Variants in PFKFB2 observed in about 807,000 individuals in gnomAD.
The protein encoded by PFKFB2 is 6-phosphofructo-2-kinase/fructose-2,6-biphosphatase 2.
Under a neutral mutation model 68.0 loss-of-function variants are expected in PFKFB2, and 53 were observed. The observed-to-expected ratio is 0.78, with a 90% confidence interval of 0.63 to 0.98. The LOEUF (loss-of-function observed/expected upper bound fraction) is 0.98, where lower values mean the gene tolerates loss of function less well. PFKFB2 is among the 50% of genes least tolerant of loss of function. PFKFB2 has a pLI of 0.00. For missense variants in PFKFB2, 451 were observed against 642.0 expected (o/e 0.70, Z 3.22); for synonymous variants, 222 against 227.6 (o/e 0.98, Z 0.22).
rs1043243710 is a variant in PFKFB2, at chr1:207,074,135, C to T, written c.*1764C>T. Reference sequence around the variant, plus strand: ...ACATGCATGTATTTAAGTAGCTTCCCGGATGATTCTGATTCATAGCTCGGG... The same window carrying T: ...ACATGCATGTATTTAAGTAGCTTCCTGGATGATTCTGATTCATAGCTCGGG... On this transcript the variant is annotated 3_prime_UTR_variant, in exon 15 of 15. Transcript: ENST00000367080. The T allele has an allele frequency of 5.0e-5, 47 of 936,198 alleles. No homozygotes were observed. Among genetic ancestry groups the T allele is most frequent in the Admixed American group, 3.7e-4 (6 of 16,048 alleles). The allele number at this position is 936,198 out of a possible 1,614,324, so 58.0% of individuals were successfully genotyped here.
intron 1 of PFKFB2, among the ~76,000 whole-genome samples, chr1:207,040,933 T>TTC: frequency 6.7e-6 from 1 of 149,418 alleles, no homozygotes; most frequent in African/African-American, 2.5e-5. Flanking sequence ...ATTTTTTTTT[T>TTC]TTTTTTTTTT....
chr1:207,058,288 G>A (rs1162766384), intron 2 of PFKFB2, among the ~76,000 whole-genome samples: 1 of 152,200 alleles, frequency 6.6e-6, no homozygotes, highest in Non-Finnish European at 1.5e-5. Context: ...CTAAATATTA[G>A]GCCTCTTTAG....
At chr1:207,062,590 G>A in intron 3 of PFKFB2, 30 bp from the exon 4 acceptor site, 1 of 1,604,918 alleles carries the variant, frequency 6.2e-7, no homozygotes, top group East Asian at 2.2e-5. Flanking sequence ...ATATTATTTT[G>A]CTGCTGAAGG....
In PFKFB2 at chr1:207,072,980, T is replaced by G. The variant is rs896443930; in HGVS notation, c.*609T>G. Reference sequence around the variant, plus strand: ...CCCAGTTAATGCTTTCTGCAGTGGGTCTAAATGGATCTGGACTGGAGGAGT... The same window carrying G: ...CCCAGTTAATGCTTTCTGCAGTGGGGCTAAATGGATCTGGACTGGAGGAGT... On this transcript the variant is annotated 3_prime_UTR_variant, in exon 15 of 15. Coordinates refer to ENST00000367080, the MANE Select transcript of PFKFB2 (RefSeq NM_006212.2). 2.0e-6 allele frequency: 2 copies of G among 985,584 alleles called. No individual in the cohort carries two copies. The highest frequency in any genetic ancestry group is 2.3e-4 in the East Asian group (2 of 8,806). 61.1% of individuals were successfully genotyped at this position (985,584 alleles called of 1,614,324 possible).
intron 1 of PFKFB2, chr1:207,035,123 G>A: frequency 1.0e-6 from 1 of 982,096 alleles, no homozygotes; most frequent in African/African-American, 1.7e-5. Flanking sequence ...CCTGTTTGAT[G>A]ACCAGACTCT....
chr1:207,073,849 A>G lies in PFKFB2; in HGVS notation c.*1478A>G. ...ATATATGTATGTTTTTCTGAGAGGC[A>G]AGTTTAGGGTTCTCATGGGATTTTA... On this transcript the variant is annotated 3_prime_UTR_variant, in exon 15 of 15. Coordinates refer to ENST00000367080, the MANE Select transcript of PFKFB2 (RefSeq NM_006212.2). The G allele has an allele frequency of 1.0e-6, 1 of 985,340 alleles. No individual in the cohort carries two copies. The highest frequency in any genetic ancestry group is 1.2e-6 in the Non-Finnish European group (1 of 829,868). 61.0% of individuals were successfully genotyped at this position (985,340 alleles called of 1,614,324 possible). A position where few individuals can be genotyped will look rare whatever the true frequency, so the allele number is the denominator to read the frequency against.
intron 1 of PFKFB2, among the ~76,000 whole-genome samples, chr1:207,039,964 G>A (rs1254841994): frequency 6.6e-6 from 1 of 152,144 alleles, no homozygotes; most frequent in East Asian, 1.9e-4. Context: ...AAGAGAACAA[G>A]GAGAACAGGC....
chr1:207,078,114 G>C (rs1173917337), downstream of PFKFB2, among the ~76,000 whole-genome samples: 1 of 152,230 alleles, frequency 6.6e-6, no homozygotes, highest in East Asian at 1.9e-4. Flanking sequence ...ATTCCCATTA[G>C]CAACATGTAA....
Position 207,074,146 on chromosome 1 carries a change from G to A in PFKFB2, c.*1775G>A. On this transcript the variant is annotated 3_prime_UTR_variant, in exon 15 of 15. Coordinates refer to ENST00000367080, the MANE Select transcript of PFKFB2 (RefSeq NM_006212.2). ...TTTAAGTAGCTTCCCGGATGATTCT[G>A]ATTCATAGCTCGGGTTAAGAACTCC... 1.0e-6 allele frequency: 1 copy of A among 977,418 alleles called. No homozygotes were observed. Among genetic ancestry groups the A allele is most frequent in the South Asian group, 4.7e-5 (1 of 21,132 alleles). The allele number at this position is 977,418 out of a possible 1,614,324, so 60.5% of individuals were successfully genotyped here. A position where few individuals can be genotyped will look rare whatever the true frequency, so the allele number is the denominator to read the frequency against.
chr1:207,059,232 G>T (rs1037575505), intron 2 of PFKFB2, among the ~76,000 whole-genome samples: 10 of 152,140 alleles, frequency 6.6e-5, no homozygotes, highest in Admixed American at 6.5e-4. Context: ...TGGTTCCCTG[G>T]TTGCCTTCAG....
chr1:207,065,976 A>G (rs796077327), intron 8 of PFKFB2, among the ~76,000 whole-genome samples: 4 of 152,298 alleles, frequency 2.6e-5, no homozygotes, highest in South Asian at 2.1e-4. Flanking sequence ...AAGTTTATAT[A>G]TATTATATGA....
chr1:207,045,209 GA>G (rs1682569943), intron 2 of PFKFB2: 1 of 152,354 alleles, frequency 6.6e-6, no homozygotes, highest in Non-Finnish European at 1.5e-5. Flanking sequence ...GAATCTTTTA[GA>G]AATTATCAGT....
chr1:207,071,142 T>C (rs952487206), intron 12 of PFKFB2, 46 bp from the exon 13 acceptor site: 6 of 1,476,360 alleles, frequency 4.1e-6, no homozygotes, highest in Admixed American at 1.7e-5. Context: ...TTGACCTTAC[T>C]CCATAATACT....
upstream of PFKFB2, chr1:207,051,088 A>T (rs1249459149): frequency 2.1e-6 from 3 of 1,444,778 alleles, no homozygotes; most frequent in Admixed American, 2.8e-5. Context: ...CTTCTGCCTT[A>T]GTACCTTAGC....
Position 207,061,854 on chromosome 1 carries a change from C to A in PFKFB2, c.86-99C>A. ...CTGAGATCACGCCACTGTACTCCAGCCTGGTGACAGAGTGAGACTCCGTCT... is the reference window on the plus strand; with the variant it reads ...CTGAGATCACGCCACTGTACTCCAGACTGGTGACAGAGTGAGACTCCGTCT... On this transcript the variant is annotated intron_variant, in intron 2 of 14. Coordinates refer to ENST00000367080, the MANE Select transcript of PFKFB2 (RefSeq NM_006212.2). 4.8e-6 allele frequency: 5 copies of A among 1,031,616 alleles called. No individual in the cohort carries two copies. The South Asian group carries it at 5.4e-5, about 11-fold the overall frequency. The allele number at this position is 1,031,616 out of a possible 1,614,324, so 63.9% of individuals were successfully genotyped here. A position where few individuals can be genotyped will look rare whatever the true frequency, so the allele number is the denominator to read the frequency against.
At position 207,073,304 on chromosome 1, in the gene PFKFB2, G is replaced by C. The variant is rs1014826159; in HGVS notation, c.*933G>C. ...GCTCTTGCAGGGCTCTTAGAGAGCA[G>C]TCATGTCTTTTCTCCCATGACTCTC... On this transcript the variant is annotated 3_prime_UTR_variant, in exon 15 of 15. Coordinates refer to ENST00000367080, the MANE Select transcript of PFKFB2 (RefSeq NM_006212.2). The C allele has an allele frequency of 5.9e-5, 58 of 985,366 alleles. No homozygotes were observed. Among genetic ancestry groups the C allele is most frequent in the Non-Finnish European group, 6.4e-5 (53 of 829,974 alleles). The allele number at this position is 985,366 out of a possible 1,614,324, so 61.0% of individuals were successfully genotyped here. A position where few individuals can be genotyped will look rare whatever the true frequency, so the allele number is the denominator to read the frequency against.
rs1029394459 is a variant in PFKFB2 at position 207,077,705 on chromosome 1, A to G, written c.*5334A>G. The G allele has an allele frequency of 7.1e-6, 7 of 985,614 alleles. No individual in the cohort carries two copies. Among genetic ancestry groups the G allele is most frequent in the Non-Finnish European group, 8.4e-6 (7 of 829,800 alleles). The allele number at this position is 985,614 out of a possible 1,614,324, so 61.1% of individuals were successfully genotyped here. A position where few individuals can be genotyped will look rare whatever the true frequency, so the allele number is the denominator to read the frequency against. On this transcript the variant is annotated 3_prime_UTR_variant, in exon 15 of 15. Coordinates refer to ENST00000367080, the MANE Select transcript of PFKFB2 (RefSeq NM_006212.2). ...TCTGATTTAATCGGGTGACACTGAT[A>G]ACAAAGTATGCCACTCAGATCCATT...
At chr1:207,048,942 G>A, upstream of PFKFB2, 1 of 1,313,546 alleles carries the variant, frequency 7.6e-7, no homozygotes, top group Non-Finnish European at 1.1e-6. Flanking sequence ...GTTCTTTAGG[G>A]TTACCATAGC....
intron 1 of PFKFB2, among the ~76,000 whole-genome samples, chr1:207,036,186 G>A (rs565774490): frequency 7.9e-5 from 12 of 152,152 alleles, no homozygotes; most frequent in African/African-American, 2.2e-4. Context: ...GATTTGGAGG[G>A]GACAGAACAT....
Sources: allele counts gnomAD v4.1 joint callset (sites outside exome capture counted in the v4.1 genomes callset), GRCh38; gene constraint gnomAD v4.1.1; transcripts MANE v1.5; gene names NCBI Gene and HGNC (gene_info 2026-07-23, HGNC 2026-07-21).